NAV3: variants seen among roughly 807,000 people sequenced by gnomAD.
NAV3 encodes pore membrane and/or filament interacting like protein 1.
Under a neutral mutation model 244.7 loss-of-function variants are expected in NAV3, and 87 were observed. The observed-to-expected ratio is 0.36, with a 90% CI of 0.30 to 0.42. The LOEUF is 0.42. Among genes scored for constraint, NAV3 ranks in the 20% least tolerant of loss-of-function variants. The probability of loss-of-function intolerance (pLI) is 1.00; values close to 1 mark genes in which losing one functional copy is unlikely to be tolerated. For synonymous variants in NAV3, 1,126 were observed against 1,042.2 expected (o/e 1.08, Z -1.55); for missense variants, 2,663 against 2,893.3 (o/e 0.92, Z 1.83).
intron 2 of NAV3, among the ~76,000 whole-genome samples, chr12:77,758,372 T>A (rs1186017017): frequency 2.0e-5 from 3 of 152,158 alleles, no homozygotes; most frequent in Non-Finnish European, 4.4e-5. Flanking sequence ...GTACCTACAA[T>A]GTTAGTTGGC....
At chr12:77,617,542 A>T (rs1871188629) in intron 2 of NAV3, among the ~76,000 whole-genome samples, 1 of 152,198 alleles carries the variant, frequency 6.6e-6, no homozygotes, top group Admixed American at 6.5e-5. Flanking sequence ...CTATGCAGTA[A>T]CATACCAATA....
At chr12:77,787,122 C>T (rs1870941241) in intron 2 of NAV3, among the ~76,000 whole-genome samples, 1 of 151,994 alleles carries the variant, frequency 6.6e-6, no homozygotes, top group South Asian at 2.1e-4. Context: ...GCTCACCTGT[C>T]CCACTTGTCC....
At chr12:78,174,745 T>G (rs1593904122) in intron 24 of NAV3, among the ~76,000 whole-genome samples, 1 of 152,102 alleles carries the variant, frequency 6.6e-6, no homozygotes, top group Middle Eastern at 3.4e-3. Context: ...TCATTGGCTG[T>G]TTGACTTTGG....
intron 2 of NAV3, among the ~76,000 whole-genome samples, chr12:77,579,208 C>G (rs1485922124): frequency 6.6e-6 from 1 of 152,242 alleles, no homozygotes; most frequent in African/African-American, 2.4e-5. Flanking sequence ...ATCACCACTT[C>G]ACTGAGCAAA....
intron 12 of NAV3, among the ~76,000 whole-genome samples, chr12:78,064,372 C>A (rs1884705863): frequency 6.6e-6 from 1 of 151,524 alleles, no homozygotes; most frequent in African/African-American, 2.4e-5. Flanking sequence ...TTCCTCTGTG[C>A]TCCTGGAGAC....
At chr12:77,820,702 G>C (rs1480571662) in intron 2 of NAV3, among the ~76,000 whole-genome samples, 1 of 152,156 alleles carries the variant, frequency 6.6e-6, no homozygotes, top group Non-Finnish European at 1.5e-5. Context: ...CTACCAGTGT[G>C]TGTGTGACAA....
chr12:78,098,719 G>GT (rs34465809), intron 12 of NAV3, among the ~76,000 whole-genome samples: 233 of 150,214 alleles, frequency 1.6e-3, no homozygotes, highest in African/African-American at 4.8e-3. Flanking sequence ...TTTGAAACTG[G>GT]TTTTTTTTTA....
chr12:77,966,341 A>G (rs747956764), intron 4 of NAV3, 40 bp downstream of exon 4: 1 of 1,491,080 alleles, frequency 6.7e-7, no homozygotes, highest in South Asian at 1.2e-5. Flanking sequence ...AATGGCATCA[A>G]TGTTTTTAAA....
At chr12:77,693,726 G>T (rs1343553327) in intron 2 of NAV3, among the ~76,000 whole-genome samples, 1 of 152,050 alleles carries the variant, frequency 6.6e-6, no homozygotes, top group Admixed American at 6.6e-5. Flanking sequence ...GCCTGCTTGT[G>T]CTGGTAGTTA....
In NAV3 at chr12:77,762,534, C is replaced by T. The variant is rs531119842; in HGVS notation, c.73-177785C>T. ...AGGGGAATCGCTTGAACCCGGGAGG[C>T]GGAGGTTGTAGTGAGCTGAGATTGT... On this transcript the variant is annotated intron_variant, in intron 2 of 8. Coordinates refer to the NAV3 transcript ENST00000550042. Among the ~76,000 whole-genome samples the T allele has an allele frequency of 4.1e-4, 62 of 151,898 alleles. 2 individuals are homozygous for T. The highest frequency in any genetic ancestry group is 3.4e-3 in the Middle Eastern group (1 of 292).
intron 7 of NAV3, among the ~76,000 whole-genome samples, chr12:78,004,057 C>G (rs899941358): frequency 6.6e-6 from 1 of 152,154 alleles, no homozygotes; most frequent in Non-Finnish European, 1.5e-5. Context: ...AAAGAAGAGA[C>G]AGTGAAAATC....
At chr12:77,954,399 C>T (rs575463135) in intron 3 of NAV3, among the ~76,000 whole-genome samples, 23 of 152,242 alleles carry the variant, frequency 1.5e-4, no homozygotes, top group Middle Eastern at 3.4e-3. Flanking sequence ...CATAATGAGG[C>T]AGAAGAGCAA....
intron 31 of NAV3, 51 bp downstream of exon 31, chr12:78,185,749 A>G (rs1456832072): frequency 1.4e-6 from 2 of 1,464,106 alleles, no homozygotes; most frequent in East Asian, 4.6e-5. Flanking sequence ...AATTACCATG[A>G]GTCAAGTGTA....
At chr12:78,153,298 A>C (rs1173048899) in intron 22 of NAV3, among the ~76,000 whole-genome samples, 1 of 152,006 alleles carries the variant, frequency 6.6e-6, no homozygotes, top group Non-Finnish European at 1.5e-5. Context: ...TGTTCAGTAG[A>C]ATGTGTGTTA....
At chr12:77,681,379 C>A (rs1874450163) in intron 2 of NAV3, among the ~76,000 whole-genome samples, 1 of 152,118 alleles carries the variant, frequency 6.6e-6, no homozygotes. Flanking sequence ...CCCAGGAAGT[C>A]TTTTTTAATA....
chr12:78,188,691 T>C lies in NAV3; in HGVS notation c.5969T>C (p.Ile1990Thr). The C allele has an allele frequency of 6.2e-7, 1 of 1,612,554 alleles. No homozygotes were observed. Among genetic ancestry groups the C allele is most frequent in the Non-Finnish European group, 8.5e-7 (1 of 1,179,024 alleles). ...GCTAGCTACTGTATAGGAGACTTAATTAGATCCCATAACCTAGAAGTGCCT... is the reference window on the plus strand; with the variant it reads ...GCTAGCTACTGTATAGGAGACTTAACTAGATCCCATAACCTAGAAGTGCCT... ...CIASYCIGDL[I>T]RSHNLEVPEL... The change falls in exon 33 of 40, where the codon ATT (isoleucine) becomes ACT (threonine). Residue 1990 changes from isoleucine (I) to threonine (T), a missense_variant. Physicochemically the swap from Ile to Thr is moderately conservative, Grantham distance 89 (BLOSUM62 -1). Around this residue, in one of 6 missense-constraint regions of NAV3, gnomAD observed 543 missense variants for 672.4 expected, o/e 0.81. Coordinates refer to ENST00000397909, the MANE Select transcript of NAV3 (RefSeq NM_001024383.2).
intron 1 of NAV3, among the ~76,000 whole-genome samples, chr12:77,902,583 A>G (rs1165681375): frequency 3.9e-5 from 6 of 152,180 alleles, no homozygotes; most frequent in African/African-American, 1.4e-4. Flanking sequence ...AAACTGGCAC[A>G]AGACAGGGAT....
At chr12:77,945,956 G>A (rs898046797) in intron 3 of NAV3, among the ~76,000 whole-genome samples, 8 of 151,012 alleles carry the variant, frequency 5.3e-5, no homozygotes, top group Non-Finnish European at 8.9e-5. Flanking sequence ...GACGGGTTTT[G>A]CCATGTTGGC....
At position 77,985,068 on chromosome 12, in the gene NAV3, G is replaced by C. The variant is rs187748254; in HGVS notation, c.672-9735G>C. On this transcript the variant is annotated intron_variant, in intron 5 of 39. Coordinates refer to ENST00000397909, the MANE Select transcript of NAV3 (RefSeq NM_001024383.2). ...CCTGACCTCGTGATCCAGCCACCTA[G>C]GCCTCCCAAAGTGCTGGGATTACAG... is the stretch of plus-strand genomic sequence containing the variant. Among the ~76,000 whole-genome samples the C allele has an allele frequency of 5.8e-4, 89 of 152,254 alleles. No homozygotes were observed. The East Asian group carries it at 0.016, about 28-fold the overall frequency.
Sources: allele counts gnomAD v4.1 joint callset (sites outside exome capture counted in the v4.1 genomes callset), GRCh38; gene constraint gnomAD v4.1.1; regional missense constraint gnomAD v4.1.1; transcripts MANE v1.5; gene names NCBI Gene and HGNC (gene_info 2026-07-23, HGNC 2026-07-21).